The following ZNF215 variants were observed in gnomAD, a reference collection of about 807,000 sequenced individuals.
ZNF215 encodes BWSCR2-associated zinc finger protein 2.
Under a neutral mutation model 27.2 loss-of-function variants are expected in ZNF215, and 24 were observed. That is an observed-to-expected ratio of 0.88 (90% confidence interval 0.64 to 1.24). The LOEUF (loss-of-function observed/expected upper bound fraction) is 1.24. Among genes scored for constraint, ZNF215 ranks in the 50% most tolerant of loss-of-function variants. ZNF215 has a pLI of 0.00. For missense variants in ZNF215, 675 were observed against 605.7 expected, an observed-to-expected ratio of 1.11 and a Z score of -1.20; for synonymous variants, 210 against 204.0, an observed-to-expected ratio of 1.03 and a Z score of -0.25.
intron 6 of ZNF215, among the ~76,000 whole-genome samples, chr11:6,949,565 T>A (rs566043408): frequency 6.6e-6 from 1 of 151,864 alleles, no homozygotes; most frequent in Admixed American, 6.6e-5. Context: ...CTTCGCCCAC[T>A]TGTTGATGGC....
chr11:6,933,228 G>C (rs1440678700), intron 3 of ZNF215, among the ~76,000 whole-genome samples: 1 of 152,212 alleles, frequency 6.6e-6, no homozygotes, highest in East Asian at 1.9e-4. Context: ...TTTGAACCTA[G>C]AGGAATTATA....
At chr11:6,941,481 C>A in intron 3 of ZNF215, 90 bp from the exon 4 acceptor site, 1 of 1,123,310 alleles carries the variant, frequency 8.9e-7, no homozygotes, top group Non-Finnish European at 1.3e-6. Flanking sequence ...TGGATAATTC[C>A]TGTGAATATC....
In ZNF215 at chr11:6,943,136, G is replaced by A; in HGVS notation, c.537G>A (p.Gly179=). The A allele has an allele frequency of 1.9e-6, 3 of 1,614,048 alleles. No individual in the cohort carries two copies. The highest frequency in any genetic ancestry group is 2.5e-6 in the Non-Finnish European group (3 of 1,179,980). ...TGGAATTCAGCAAGGAAGAGTGGGG[G>A]CAACTGGACTCTGCTGTAAAGAACC... ...VVVEFSKEEW[G]QLDSAVKNLY... Residue 179 remains glycine (G), a synonymous_variant, in exon 5 of 7, where the codon GGG becomes GGA. Transcript: ENST00000278319.
downstream of ZNF215, among the ~76,000 whole-genome samples, chr11:6,959,986 TATATATG>T (rs1564969211): frequency 1.3e-5 from 2 of 152,114 alleles, no homozygotes; most frequent in African/African-American, 4.8e-5. Context: ...CATATATGAA[TATATATG>T]ATATATGTTG....
At chr11:6,947,865 G>A (rs370292569) in intron 6 of ZNF215, among the ~76,000 whole-genome samples, 2 of 152,200 alleles carry the variant, frequency 1.3e-5, no homozygotes, top group South Asian at 2.1e-4. Context: ...TCACATGGGT[G>A]GTAGTTAATG....
intron 6 of ZNF215, among the ~76,000 whole-genome samples, chr11:6,953,164 A>G (rs1686140314): frequency 6.6e-6 from 1 of 152,054 alleles, no homozygotes. Context: ...GGCTGCCCTT[A>G]ACATTTTTTC....
intron 2 of ZNF215, among the ~76,000 whole-genome samples, chr11:6,928,739 C>T (rs902135052): frequency 1.3e-5 from 2 of 151,750 alleles, no homozygotes; most frequent in Admixed American, 6.6e-5. Context: ...TTTTCTTTCT[C>T]CATTTATGTT....
At chr11:6,967,291 A>G (rs1051142546) in intron 5 of ZNF215, among the ~76,000 whole-genome samples, 1 of 152,210 alleles carries the variant, frequency 6.6e-6, no homozygotes, top group Non-Finnish European at 1.5e-5. Flanking sequence ...GTGTATTTAT[A>G]GTAGAATGAT....
chr11:6,929,092 C>G lies in ZNF215; in HGVS notation c.-180+1285C>G, dbSNP rs568632778. 2.6e-5 allele frequency among the ~76,000 whole-genome samples: 4 copies of G among 152,262 alleles called. No homozygotes were observed. In the East Asian group the frequency reaches 5.8e-4, roughly 22 times the overall value. The stretch of plus-strand genomic sequence containing the variant: ...TCTATCCCGCGAGACCCAGGAATAG[C>G]CCATGAAAGGCACCATTACCCTTTT... On this transcript the variant is annotated intron_variant, in intron 2 of 6. Coordinates refer to ENST00000278319, the MANE Select transcript of ZNF215 (RefSeq NM_013250.4).
chr11:6,931,526 C>T (rs1055906533), intron 2 of ZNF215, among the ~76,000 whole-genome samples: 7 of 151,020 alleles, frequency 4.6e-5, no homozygotes, highest in East Asian at 3.9e-4. Flanking sequence ...GTGGGCATTG[C>T]GTAATTCTCC....
intron 5 of ZNF215, among the ~76,000 whole-genome samples, chr11:6,978,391 C>G (rs1850878121): frequency 1.3e-5 from 2 of 151,956 alleles, no homozygotes; most frequent in African/African-American, 4.8e-5. Context: ...ACAGAGATTA[C>G]CTCTGGTGGA....
intron 3 of ZNF215, among the ~76,000 whole-genome samples, chr11:6,934,931 G>A (rs1231135675): frequency 2.0e-5 from 3 of 152,218 alleles, no homozygotes; most frequent in African/African-American, 7.2e-5. Context: ...AAAGGCAAAT[G>A]AGAGGTTGCA....
intron 6 of ZNF215, among the ~76,000 whole-genome samples, chr11:6,952,158 G>A (rs899470835): frequency 3.9e-5 from 6 of 152,160 alleles, no homozygotes; most frequent in Admixed American, 1.3e-4. Flanking sequence ...TTCCAAGTAT[G>A]TGGTCAGTTT....
chr11:6,960,186 T>C (rs779463738), downstream of ZNF215, among the ~76,000 whole-genome samples: 1 of 152,112 alleles, frequency 6.6e-6, no homozygotes, highest in Non-Finnish European at 1.5e-5. Flanking sequence ...GTGGGACTCT[T>C]AAGAAATGTA....
At chr11:6,927,358 C>A (rs969318039) in intron 1 of ZNF215, among the ~76,000 whole-genome samples, 3 of 152,184 alleles carry the variant, frequency 2.0e-5, no homozygotes, top group African/African-American at 7.2e-5. Flanking sequence ...CTAAGCTACT[C>A]TCGCCAGGTG....
chr11:6,986,245 C>T (rs1267636745), downstream of ZNF215, among the ~76,000 whole-genome samples: 8 of 152,106 alleles, frequency 5.3e-5, no homozygotes, highest in Non-Finnish European at 1.2e-4. Context: ...ACCATCTTAT[C>T]TTTGACAAAA....
chr11:6,955,754 T>G lies in ZNF215; in HGVS notation c.777T>G (p.Ser259Arg), dbSNP rs200791067. 1.9e-4 allele frequency: 303 copies of G among 1,607,406 alleles called. No individual in the cohort carries two copies. Among genetic ancestry groups the G allele is most frequent in the Non-Finnish European group, 2.1e-4 (247 of 1,178,282 alleles). ...TGATTATGACAAGGCTTACCGAAAG[T>G]GGACACCCTTCTTCAGATGCCTGGA... Reference protein sequence around the residue: ...HGVIMTRLTESGHPSSDAWKG... With the variant: ...HGVIMTRLTERGHPSSDAWKG... Residue 259 changes from serine (S) to arginine (R), a missense_variant, in exon 7 of 7, where the codon AGT becomes AGG. Transcript: ENST00000278319.
Position 6,982,015 on chromosome 11 carries a change from T to C in ZNF215, c.806-2114T>C, listed in dbSNP as rs566629070. Among the ~76,000 whole-genome samples, 121 of 152,234 alleles carry C rather than the reference T, an allele frequency of 7.9e-4. 1 individual carries two copies. The Middle Eastern group carries it at 0.01, about 13-fold the overall frequency. On this transcript the variant is annotated intron_variant, in intron 5 of 5. Coordinates refer to the ZNF215 transcript ENST00000529903. Reference sequence around the variant, plus strand: ...CATGCTGTTTTGGTTATTGTAGCCTTGTAGTATAGTTTGAAGTCAGGTAGC... The same window carrying C: ...CATGCTGTTTTGGTTATTGTAGCCTCGTAGTATAGTTTGAAGTCAGGTAGC...
downstream of ZNF215, among the ~76,000 whole-genome samples, chr11:6,962,077 AT>A (rs1338785079): frequency 1.3e-5 from 2 of 152,190 alleles, no homozygotes; most frequent in African/African-American, 4.8e-5. Flanking sequence ...TTACGGGACT[AT>A]TTTTAAAGGT....
Sources: allele counts gnomAD v4.1 joint callset (sites outside exome capture counted in the v4.1 genomes callset), GRCh38; gene constraint gnomAD v4.1.1; transcripts MANE v1.5; gene names NCBI Gene and HGNC (gene_info 2026-07-23, HGNC 2026-07-21).